The following OTUD7A variants were observed in gnomAD, a reference collection of about 807,000 sequenced individuals.
The protein encoded by OTUD7A is OTU domain-containing protein 7A.
In OTUD7A, 12 loss-of-function variants were observed where a neutral mutation model predicts 65.7. That is an observed-to-expected ratio of 0.18 (90% CI 0.12 to 0.30). The LOEUF (loss-of-function observed/expected upper bound fraction) is 0.30, where lower values mean the gene tolerates loss of function less well. Among genes scored for constraint, OTUD7A ranks in the 10% least tolerant of loss-of-function variants. OTUD7A has a pLI of 1.00. For missense variants in OTUD7A, 1,148 were observed against 1,304.8 expected (o/e 0.88, Z 1.85); for synonymous variants, 641 against 586.3 (o/e 1.09, Z -1.35).
chr15:31,694,822 T>C (rs555701400), intron 1 of OTUD7A, among the ~76,000 whole-genome samples: 3 of 152,284 alleles, frequency 2.0e-5, no homozygotes, highest in South Asian at 2.1e-4. Flanking sequence ...ATATTATCCA[T>C]TGTGTATTTA....
chr15:31,729,144 T>C (rs1196782631), intron 1 of OTUD7A, among the ~76,000 whole-genome samples: 4 of 152,336 alleles, frequency 2.6e-5, no homozygotes, highest in South Asian at 2.1e-4. Flanking sequence ...AACTTTATCA[T>C]AGGTAGGTAT....
At chr15:31,800,761 C>G (rs570629932) in intron 1 of OTUD7A, among the ~76,000 whole-genome samples, 4 of 152,162 alleles carry the variant, frequency 2.6e-5, no homozygotes, top group Non-Finnish European at 4.4e-5. Context: ...GGAGAAGCAG[C>G]CCCAGCGTTT....
At chr15:31,504,092 C>G (rs1037720117) in intron 8 of OTUD7A, among the ~76,000 whole-genome samples, 2 of 152,232 alleles carry the variant, frequency 1.3e-5, no homozygotes, top group African/African-American at 4.8e-5. Context: ...GAAGGCGAGT[C>G]TCTCTGCAGG....
intron 1 of OTUD7A, among the ~76,000 whole-genome samples, chr15:31,723,627 CCCCCG>C (rs2141351698): frequency 1.0e-5 from 1 of 99,588 alleles, no homozygotes; most frequent in African/African-American, 4.1e-5. Context: ...TAGTTCATTT[CCCCCG>C]ACTTGCTGCA....
At chr15:31,800,394 C>T (rs1212218891) in intron 1 of OTUD7A, among the ~76,000 whole-genome samples, 1 of 152,162 alleles carries the variant, frequency 6.6e-6, no homozygotes, top group Non-Finnish European at 1.5e-5. Context: ...GTCCTGGTGG[C>T]CCATGGTCTC....
At chr15:31,782,094 G>T (rs930575218) in intron 1 of OTUD7A, among the ~76,000 whole-genome samples, 6 of 152,228 alleles carry the variant, frequency 3.9e-5, no homozygotes, top group Admixed American at 2.6e-4. Context: ...CTCTGTAGGG[G>T]TGTCCTCAGA....
chr15:31,821,291 A>G (rs1331156880), intron 1 of OTUD7A, among the ~76,000 whole-genome samples: 3 of 138,376 alleles, frequency 2.2e-5, no homozygotes, highest in Non-Finnish European at 4.6e-5. Flanking sequence ...GTGTGCCACC[A>G]CGCCCAGGTA....
chr15:31,816,445 C>T lies in OTUD7A; in HGVS notation c.-100+54062G>A, dbSNP rs140016594. On this transcript the variant is annotated intron_variant, in intron 1 of 12. Coordinates refer to ENST00000307050, the MANE Select transcript of OTUD7A (RefSeq NM_001382637.1). The stretch of plus-strand genomic sequence containing the variant: ...GTGGCTCATGCCTGTAATCCCAGCA[C>T]TTTGGGAGGCTGAGGCGGGCAGATC... 3.5e-3 allele frequency among the ~76,000 whole-genome samples: 526 copies of T among 152,214 alleles called. 3 individuals are homozygous for T. Among genetic ancestry groups the T allele is most frequent in the African/African-American group, 0.011 (475 of 41,520 alleles).
At chr15:31,678,601 T>G (rs1368214998) in intron 1 of OTUD7A, among the ~76,000 whole-genome samples, 1 of 152,172 alleles carries the variant, frequency 6.6e-6, no homozygotes, top group Non-Finnish European at 1.5e-5. Context: ...CTTCAGAGGG[T>G]GCAAGCCCCA....
chr15:31,589,342 C>G (rs1489465899), intron 3 of OTUD7A, among the ~76,000 whole-genome samples: 1 of 150,516 alleles, frequency 6.6e-6, no homozygotes, highest in Admixed American at 6.6e-5. Flanking sequence ...CTCTGTCACA[C>G]AGGCTGGCGT....
chr15:31,513,094 C>T (rs2041781586), intron 8 of OTUD7A, among the ~76,000 whole-genome samples: 1 of 152,184 alleles, frequency 6.6e-6, no homozygotes, highest in African/African-American at 2.4e-5. Context: ...TGGTCTCGAA[C>T]TCCTGGCCTC....
At chr15:31,802,391 A>C (rs1896158323) in intron 1 of OTUD7A, among the ~76,000 whole-genome samples, 1 of 152,088 alleles carries the variant, frequency 6.6e-6, no homozygotes, top group African/African-American at 2.4e-5. Context: ...CTGGCAGCTG[A>C]TTAGATTGTG....
At chr15:31,562,461 C>T (rs111313246) in intron 4 of OTUD7A, among the ~76,000 whole-genome samples, 4 of 152,282 alleles carry the variant, frequency 2.6e-5, no homozygotes, top group African/African-American at 9.6e-5. Flanking sequence ...GCTCCCCCTG[C>T]CCTGCCTTCC....
intron 1 of OTUD7A, among the ~76,000 whole-genome samples, chr15:31,816,546 T>C (rs148573182): frequency 4.6e-5 from 3 of 64,592 alleles, no homozygotes; most frequent in Non-Finnish European, 1.2e-4. Flanking sequence ...AAAAAAAAAA[T>C]AGCCTGGCAC....
intron 8 of OTUD7A, among the ~76,000 whole-genome samples, chr15:31,507,624 C>G (rs945310350): frequency 3.7e-5 from 3 of 80,480 alleles, no homozygotes; most frequent in African/African-American, 2.0e-4. Flanking sequence ...AGGTTGCTGC[C>G]GCTGCTGGCT....
At chr15:31,718,559 A>G (rs1464555688) in intron 1 of OTUD7A, among the ~76,000 whole-genome samples, 3 of 151,122 alleles carry the variant, frequency 2.0e-5, no homozygotes, top group Non-Finnish European at 4.4e-5. Flanking sequence ...TGCTCATCAC[A>G]CAAGCCCCAT....
chr15:31,549,845 T>C (rs1221285872), intron 5 of OTUD7A, among the ~76,000 whole-genome samples: 1 of 152,200 alleles, frequency 6.6e-6, no homozygotes, highest in East Asian at 1.9e-4. Context: ...TGTGGGGTCC[T>C]GGATGGCTTT....
At chr15:31,714,325 C>A (rs1404383062) in intron 1 of OTUD7A, among the ~76,000 whole-genome samples, 1 of 152,120 alleles carries the variant, frequency 6.6e-6, no homozygotes, top group African/African-American at 2.4e-5. Flanking sequence ...ACTGGTGGTA[C>A]ACACAGCAAA....
chr15:31,621,412 G>T (rs1890779224), intron 3 of OTUD7A, among the ~76,000 whole-genome samples: 1 of 152,132 alleles, frequency 6.6e-6, no homozygotes, highest in Admixed American at 6.5e-5. Flanking sequence ...AAGTCTCTTT[G>T]TAGGTCTCTA....
Sources: gnomAD v4.1 joint callset for allele counts (sites outside exome capture counted in the v4.1 genomes callset) on GRCh38, gnomAD v4.1.1 for gene constraint, MANE v1.5 for transcripts, NCBI Gene and HGNC (gene_info 2026-07-23, HGNC 2026-07-21) for gene names.